XXYLT1: variants seen among roughly 807,000 people sequenced by gnomAD.
XXYLT1 encodes UDP-xylose:alpha-xyloside alpha-1,3-xylosyltransferase.
In XXYLT1, 20 loss-of-function variants were observed where a neutral mutation model predicts 28.9. The ratio of observed to expected loss-of-function variants is 0.69; its 90% CI spans 0.49 to 1.00. The LOEUF (loss-of-function observed/expected upper bound fraction) is 1.00, where lower values mean the gene tolerates loss of function less well. Ranked by LOEUF, XXYLT1 falls within the 50% of genes least tolerant of loss-of-function variation. The probability of loss-of-function intolerance (pLI) is 0.00; values close to 1 mark genes in which losing one functional copy is unlikely to be tolerated. For synonymous variants in XXYLT1, 257 were observed against 253.8 expected, an observed-to-expected ratio of 1.01 and a Z score of -0.12; for missense variants, 542 against 560.1, an observed-to-expected ratio of 0.97 and a Z score of 0.33.
chr3:195,138,901 G>T (rs1214567956), intron 3 of XXYLT1, among the ~76,000 whole-genome samples: 1 of 151,152 alleles, frequency 6.6e-6, no homozygotes, highest in Non-Finnish European at 1.5e-5. Context: ...AAAGAAAAAT[G>T]GGCTAGAGAG....
chr3:195,136,641 T>C (rs1719215985), intron 3 of XXYLT1, among the ~76,000 whole-genome samples: 1 of 152,124 alleles, frequency 6.6e-6, no homozygotes. Flanking sequence ...AAAATATGAA[T>C]GTAAAACCAA....
Position 195,255,206 on chromosome 3 carries a change from G to A in XXYLT1, c.504+15349C>T, listed in dbSNP as rs911003095. ...TAAACCAGCAGAAAAGGCGGTTTCCGAGTACCATGCTCGCACAACAGGGAG... is the reference window on the plus strand; with the variant it reads ...TAAACCAGCAGAAAAGGCGGTTTCCAAGTACCATGCTCGCACAACAGGGAG... On this transcript the variant is annotated intron_variant, in intron 1 of 3. Transcript: ENST00000310380. The surrounding 1 kb of genome is among the most constrained non-coding windows in gnomAD (Gnocchi z 4.5). Among the ~76,000 whole-genome samples the A allele has an allele frequency of 3.3e-5, 5 of 152,246 alleles. No individual in the cohort carries two copies. Among genetic ancestry groups the A allele is most frequent in the African/African-American group, 4.8e-5 (2 of 41,466 alleles).
At position 195,159,657 on chromosome 3, in the gene XXYLT1, G is replaced by A. The variant is rs950631989; in HGVS notation, c.653-3076C>T. Reference sequence around the variant, plus strand: ...ACCCTGTCACCATCATTGCCGTCACGGCCCTGGCAGCACTCCTCAGGAGCT... The same window carrying A: ...ACCCTGTCACCATCATTGCCGTCACAGCCCTGGCAGCACTCCTCAGGAGCT... On this transcript the variant is annotated intron_variant, in intron 2 of 3. Coordinates refer to ENST00000310380, the MANE Select transcript of XXYLT1 (RefSeq NM_152531.5). 1.1e-4 allele frequency among the ~76,000 whole-genome samples: 17 copies of A among 152,294 alleles called. 2 individuals carry two copies. Among genetic ancestry groups the A allele is most frequent in the Middle Eastern group, 6.8e-3 (2 of 294 alleles).
chr3:195,178,156 T>G (rs966480440), intron 2 of XXYLT1, among the ~76,000 whole-genome samples: 3 of 152,004 alleles, frequency 2.0e-5, no homozygotes, highest in African/African-American at 7.3e-5. Flanking sequence ...AGCTTTTTTT[T>G]TTAAGCCCCA....
At chr3:195,184,645 G>A in intron 2 of XXYLT1, 1 of 985,228 alleles carries the variant, frequency 1.0e-6, no homozygotes, top group Non-Finnish European at 1.2e-6. Flanking sequence ...CAGAAACAAG[G>A]TCTCTTCAGG....
rs1370299926 is a variant in XXYLT1, at chr3:195,259,711, G to A, written c.504+10844C>T. On this transcript the variant is annotated intron_variant, in intron 1 of 3. Transcript: ENST00000310380. ...CGCCAGGGACAGACCCAGCACCAGG[G>A]CGGCCCCCGGAGCCGGCCTCTGGCG... is the stretch of plus-strand genomic sequence containing the variant. 3 of 980,282 alleles carry A rather than the reference G, an allele frequency of 3.1e-6. No homozygotes were observed. In the Admixed American group the frequency reaches 1.8e-4, roughly 60 times the overall value. 60.7% of individuals were successfully genotyped at this position (980,282 alleles called of 1,614,324 possible). A position where few individuals can be genotyped will look rare whatever the true frequency, so the allele number is the denominator to read the frequency against.
chr3:195,183,223 C>A (rs1577118980), intron 2 of XXYLT1, among the ~76,000 whole-genome samples: 1 of 152,144 alleles, frequency 6.6e-6, no homozygotes, highest in East Asian at 1.9e-4. Context: ...CTCATAACCC[C>A]CACGCATCGT....
At chr3:195,225,780 C>T (rs923021091) in intron 2 of XXYLT1, among the ~76,000 whole-genome samples, 7 of 152,138 alleles carry the variant, frequency 4.6e-5, no homozygotes, top group African/African-American at 1.7e-4. Flanking sequence ...TATCCTCATG[C>T]TGTTCTCATG....
Position 195,133,408 on chromosome 3 carries a change from T to C in XXYLT1, c.785+23041A>G, listed in dbSNP as rs1480312579. Among the ~76,000 whole-genome samples the C allele has an allele frequency of 6.6e-6, 1 of 152,070 alleles. No homozygotes were observed. Among genetic ancestry groups the C allele is most frequent in the Non-Finnish European group, 1.5e-5 (1 of 68,008 alleles). On this transcript the variant is annotated intron_variant, in intron 3 of 3. Coordinates refer to ENST00000310380, the MANE Select transcript of XXYLT1 (RefSeq NM_152531.5). The surrounding 1 kb of genome is among the most constrained non-coding windows in gnomAD (Gnocchi z 4.4). ...AAGTAAGAAGGAAAACACTGGAGAA[T>C]TCAATAGGTGTCCAAGAGTTTCTGG...
chr3:195,069,658 A>G lies in XXYLT1; in HGVS notation c.*57T>C, dbSNP rs995896601. On this transcript the variant is annotated 3_prime_UTR_variant, in exon 4 of 4. Coordinates refer to ENST00000310380, the MANE Select transcript of XXYLT1 (RefSeq NM_152531.5). ...AGACACTGCCCTTGGGTCTGTCCCAAGGAACCCTGTCCTTCCCCCAGATCT... is the reference window on the plus strand; with the variant it reads ...AGACACTGCCCTTGGGTCTGTCCCAGGGAACCCTGTCCTTCCCCCAGATCT... 4 of 1,557,608 alleles carry G rather than the reference A, an allele frequency of 2.6e-6. No homozygotes were observed. The African/African-American group carries it at 5.4e-5, about 21-fold the overall frequency.
At chr3:195,105,655 C>T (rs35042664) in intron 3 of XXYLT1, among the ~76,000 whole-genome samples, 7 of 152,342 alleles carry the variant, frequency 4.6e-5, no homozygotes, top group Non-Finnish European at 8.8e-5. Context: ...GCCAAGTCTG[C>T]GCCTCCGCGT....
chr3:195,137,711 C>T (rs933741531), intron 3 of XXYLT1, among the ~76,000 whole-genome samples: 1 of 152,158 alleles, frequency 6.6e-6, no homozygotes, highest in South Asian at 2.1e-4. Context: ...GTATCGGACA[C>T]GGAGAAAGGG....
chr3:195,188,627 G>C (rs59540523), intron 2 of XXYLT1, among the ~76,000 whole-genome samples: 17,248 of 152,186 alleles, frequency 0.11, 3,325 homozygotes, highest in African/African-American at 0.39. Flanking sequence ...CTCTCGAATT[G>C]TCTCCTATGA....
chr3:195,177,936 T>TA (rs56022005), intron 2 of XXYLT1, among the ~76,000 whole-genome samples: 1,383 of 115,598 alleles, frequency 0.012, 16 homozygotes, highest in African/African-American at 0.03. Flanking sequence ...CTCTGTCTCT[T>TA]AAAAAAAAAA....
intron 2 of XXYLT1, chr3:195,175,747 T>A: frequency 6.5e-7 from 1 of 1,532,908 alleles, no homozygotes; most frequent in Admixed American, 2.0e-5. Flanking sequence ...GAGAAGCCAC[T>A]GCAGGGCCTC....
At chr3:195,260,148 GC>G (rs1725631954) in intron 1 of XXYLT1, 1 of 151,634 alleles carries the variant, frequency 6.6e-6, no homozygotes, top group Admixed American at 6.6e-5. Flanking sequence ...AGGCTTGGGG[GC>G]TGCAGCCGCG....
intron 3 of XXYLT1, chr3:195,154,010 C>A (rs1211940105): frequency 3.3e-5 from 5 of 152,316 alleles, no homozygotes; most frequent in Non-Finnish European, 5.9e-5. Context: ...GGTGGGGGAA[C>A]AAAGGCCCCA....
intron 1 of XXYLT1, among the ~76,000 whole-genome samples, chr3:195,268,622 G>C (rs753944388): frequency 6.6e-6 from 1 of 151,942 alleles, no homozygotes; most frequent in African/African-American, 2.4e-5. Flanking sequence ...AGAAGTAACG[G>C]GAGCAATTTT....
At chr3:195,074,488 G>A (rs1041801251) in intron 3 of XXYLT1, among the ~76,000 whole-genome samples, 10 of 152,306 alleles carry the variant, frequency 6.6e-5, no homozygotes, top group South Asian at 4.1e-4. Flanking sequence ...CTCGTTTGGC[G>A]TGGAAGGGAC....
Sources: allele counts gnomAD v4.1 joint callset (sites outside exome capture counted in the v4.1 genomes callset), GRCh38; gene constraint gnomAD v4.1.1; non-coding constraint Gnocchi (gnomAD v3.1); transcripts MANE v1.5; gene names NCBI Gene and HGNC (gene_info 2026-07-23, HGNC 2026-07-21).